DGKI: variants seen among roughly 807,000 people sequenced by gnomAD.
The protein encoded by DGKI is DAG kinase iota.
Under a neutral mutation model 147.5 loss-of-function variants are expected in DGKI, and 55 were observed. The observed-to-expected ratio is 0.37, with a 90% CI of 0.30 to 0.47. The LOEUF is 0.47. DGKI is among the 20% of genes least tolerant of loss of function. The pLI, the probability that DGKI is intolerant of heterozygous loss-of-function variation, is 1.00. For missense variants in DGKI, 1,007 were observed against 1,323.8 expected, an observed-to-expected ratio of 0.76 and a Z score of 3.71; for synonymous variants, 469 against 477.1, an observed-to-expected ratio of 0.98 and a Z score of 0.22.
At chr7:137,536,554 T>C (rs1229784112) in intron 20 of DGKI, among the ~76,000 whole-genome samples, 2 of 152,136 alleles carry the variant, frequency 1.3e-5, no homozygotes, top group African/African-American at 2.4e-5. Flanking sequence ...GGAGGGCAGA[T>C]TTTCTTATGA....
At chr7:137,576,228 G>A (rs979755182) in intron 17 of DGKI, among the ~76,000 whole-genome samples, 1 of 151,386 alleles carries the variant, frequency 6.6e-6, no homozygotes, top group Non-Finnish European at 1.5e-5. Context: ...GATAGAGATG[G>A]GATTTCACCA....
At chr7:137,771,140 G>C (rs1796183045) in intron 1 of DGKI, among the ~76,000 whole-genome samples, 1 of 151,716 alleles carries the variant, frequency 6.6e-6, no homozygotes, top group Non-Finnish European at 1.5e-5. Flanking sequence ...ACTTAAGCTG[G>C]AGTGCAGTGG....
chr7:137,403,177 T>C (rs1006045638), intron 30 of DGKI, among the ~76,000 whole-genome samples: 22 of 152,032 alleles, frequency 1.4e-4, no homozygotes, highest in African/African-American at 5.1e-4. Flanking sequence ...CCTTAGTCTC[T>C]CTCCCAGTCT....
At chr7:137,484,706 G>C (rs1585160012) in intron 23 of DGKI, among the ~76,000 whole-genome samples, 1 of 152,134 alleles carries the variant, frequency 6.6e-6, no homozygotes, top group African/African-American at 2.4e-5. Flanking sequence ...CACCCCCAAA[G>C]TCTGCTGGGA....
At chr7:137,614,139 C>G (rs993396048) in intron 8 of DGKI, among the ~76,000 whole-genome samples, 1 of 152,118 alleles carries the variant, frequency 6.6e-6, no homozygotes, top group East Asian at 1.9e-4. Flanking sequence ...TGTTCCCACT[C>G]AGTACTATGA....
At chr7:137,396,618 T>C (rs1811563498) in intron 31 of DGKI, among the ~76,000 whole-genome samples, 1 of 152,182 alleles carries the variant, frequency 6.6e-6, no homozygotes, top group Admixed American at 6.5e-5. Context: ...CTACTGCTTC[T>C]CTTCGTCCTC....
Position 137,587,158 on chromosome 7 carries a change from G to A in DGKI, c.1364C>T (p.Pro455Leu). 6.2e-7 allele frequency: 1 copy of A among 1,613,276 alleles called. No individual in the cohort carries two copies. Among genetic ancestry groups the A allele is most frequent in the Non-Finnish European group, 8.5e-7 (1 of 1,179,714 alleles). Residue 455 changes from proline to leucine, a missense_variant, in exon 13 of 33, where the codon CCT becomes CTT. Coordinates refer to ENST00000614521, the MANE Select transcript of DGKI (RefSeq NM_001321708.2). ...AGTCCCCAGAGGAAGGACCCCCACA[G>A]GAGGCTGAGGGCTCAGCTGCAGTTC... Reference protein sequence around the residue: ...LDELQLSPQPPVGVLPLGTGN... With the variant: ...LDELQLSPQPLVGVLPLGTGN...
chr7:137,673,778 G>A (rs757851186), intron 3 of DGKI, among the ~76,000 whole-genome samples: 1 of 152,164 alleles, frequency 6.6e-6, no homozygotes. Flanking sequence ...CTGAGTAGGT[G>A]CACGATGGTA....
rs976434691 is a variant in DGKI at position 137,384,859 on chromosome 7, C to T, written c.*6361G>A. 1 of 152,086 alleles carries T rather than the reference C, an allele frequency of 6.6e-6. No individual in the cohort carries two copies. Among genetic ancestry groups the T allele is most frequent in the African/African-American group, 2.4e-5 (1 of 41,426 alleles). The allele number at this position is 152,086 out of a possible 1,614,324, so 9.4% of individuals were successfully genotyped here. The stretch of plus-strand genomic sequence containing the variant: ...GCCTCCCATTTCAGAAGGCATTTGG[C>T]TCAAAATATTGAAATTTCAAAAGTT... On this transcript the variant is annotated 3_prime_UTR_variant, in exon 33 of 33. Coordinates refer to ENST00000614521, the MANE Select transcript of DGKI (RefSeq NM_001321708.2).
chr7:137,586,989 T>C, intron 13 of DGKI, 108 bp downstream of exon 13: 1 of 794,654 alleles, frequency 1.3e-6, no homozygotes, highest in Non-Finnish European at 1.9e-6. Context: ...CTCTAACTTA[T>C]GCCTGGGACA....
At chr7:137,615,499 A>G (rs1365887800) in intron 8 of DGKI, among the ~76,000 whole-genome samples, 1 of 151,460 alleles carries the variant, frequency 6.6e-6, no homozygotes, top group Non-Finnish European at 1.5e-5. Context: ...GATAGAATAT[A>G]GATACATATA....
chr7:137,672,057 T>A (rs1277956629), intron 3 of DGKI, among the ~76,000 whole-genome samples: 2 of 152,180 alleles, frequency 1.3e-5, no homozygotes, highest in Non-Finnish European at 2.9e-5. Context: ...CACCTCACCA[T>A]CTACCTACTC....
intron 1 of DGKI, among the ~76,000 whole-genome samples, chr7:137,798,142 G>GA (rs541945148): frequency 2.0e-5 from 3 of 151,922 alleles, no homozygotes; most frequent in Admixed American, 6.5e-5. Flanking sequence ...ACTGACTAAA[G>GA]AAAAAAACAG....
intron 1 of DGKI, among the ~76,000 whole-genome samples, chr7:137,696,008 C>T (rs1052985955): frequency 1.3e-5 from 2 of 152,186 alleles, no homozygotes; most frequent in African/African-American, 2.4e-5. Context: ...TAAGCACAAT[C>T]GATAGTTGCT....
At chr7:137,843,503 CA>C (rs1158006061) in intron 1 of DGKI, 3 of 818,564 alleles carry the variant, frequency 3.7e-6, no homozygotes, top group East Asian at 1.2e-4. Flanking sequence ...AAATGGTTCT[CA>C]AAAAAAGCCA....
At chr7:137,421,607 G>T (rs1585097518) in intron 28 of DGKI, among the ~76,000 whole-genome samples, 1 of 152,294 alleles carries the variant, frequency 6.6e-6, no homozygotes, top group Middle Eastern at 3.4e-3. Context: ...CACTGGAATT[G>T]GCTATAAACA....
At chr7:137,409,779 C>A (rs566788086) in intron 29 of DGKI, among the ~76,000 whole-genome samples, 1 of 152,266 alleles carries the variant, frequency 6.6e-6, no homozygotes, top group South Asian at 2.1e-4. Flanking sequence ...AGTTAGTCCA[C>A]GGACACTTTC....
At chr7:137,740,511 A>C (rs1795145042) in intron 1 of DGKI, among the ~76,000 whole-genome samples, 1 of 152,122 alleles carries the variant, frequency 6.6e-6, no homozygotes, top group Non-Finnish European at 1.5e-5. Context: ...CTTGGGATTC[A>C]CCACAGTCAC....
rs116231337 is a variant in DGKI, at chr7:137,619,590, C to T, written c.993+234G>A. Among the ~76,000 whole-genome samples, 351 of 152,282 alleles carry T rather than the reference C, an allele frequency of 2.3e-3. 1 individual carries two copies. The highest frequency in any genetic ancestry group is 8.2e-3 in the African/African-American group (339 of 41,548). ...CATTAGCACATGAATGAGGAGGCAA[C>T]ATTCCTGCTCTAGAACTTTGAATTC... On this transcript the variant is annotated intron_variant, in intron 8 of 32. Transcript: ENST00000614521.
Sources: gnomAD v4.1 joint callset for allele counts (sites outside exome capture counted in the v4.1 genomes callset) on GRCh38, gnomAD v4.1.1 for gene constraint, MANE v1.5 for transcripts, NCBI Gene and HGNC (gene_info 2026-07-23, HGNC 2026-07-21) for gene names.